Variants in ASTN1 observed in about 807,000 individuals in gnomAD.
The protein encoded by ASTN1 is astrotactin-1.
A neutral mutation model predicts 140.7 loss-of-function variants in ASTN1; 41 were observed. The ratio of observed to expected loss-of-function variants is 0.29; its 90% CI spans 0.23 to 0.38. ASTN1 has a LOEUF of 0.38. Among genes scored for constraint, ASTN1 ranks in the 10% least tolerant of loss-of-function variants. ASTN1 has a pLI of 1.00. For synonymous variants in ASTN1, 640 were observed against 652.2 expected (o/e 0.98, Z 0.29); for missense variants, 1,479 against 1,678.8 (o/e 0.88, Z 2.08).
chr1:176,899,235 G>A (rs1669657703), intron 16 of ASTN1, among the ~76,000 whole-genome samples: 1 of 152,216 alleles, frequency 6.6e-6, no homozygotes, highest in Admixed American at 6.5e-5. Flanking sequence ...TGTGGTATGA[G>A]AATATCGCGT....
At chr1:176,962,151 C>G (rs894462854) in intron 9 of ASTN1, among the ~76,000 whole-genome samples, 2 of 152,212 alleles carry the variant, frequency 1.3e-5, no homozygotes, top group African/African-American at 4.8e-5. Context: ...GAGGGAAGGT[C>G]TCTGTGGGAT....
intron 8 of ASTN1, among the ~76,000 whole-genome samples, chr1:176,986,980 C>A (rs536708309): frequency 6.6e-6 from 1 of 152,050 alleles, no homozygotes; most frequent in Non-Finnish European, 1.5e-5. Context: ...TGGGGGCAAG[C>A]GTGGATTTTG....
In ASTN1 at chr1:176,862,687, C is replaced by T. The variant is rs1316605286; in HGVS notation, c.*1597G>A. 4 of 904,490 alleles carry T rather than the reference C, an allele frequency of 4.4e-6. No individual in the cohort carries two copies. The African/African-American group carries it at 7.2e-5, about 16-fold the overall frequency. 56.0% of individuals were successfully genotyped at this position (904,490 alleles called of 1,614,324 possible). A position where few individuals can be genotyped will look rare whatever the true frequency, so the allele number is the denominator to read the frequency against. ...AGGCAAGTTGTATAACCTCTCTTTG[C>T]CTCGTTTTCCTCAACACTAAAATGG... On this transcript the variant is annotated 3_prime_UTR_variant, in exon 23 of 23. Transcript: ENST00000361833.
At chr1:177,159,884 T>C (rs1341439931) in intron 1 of ASTN1, among the ~76,000 whole-genome samples, 2 of 152,234 alleles carry the variant, frequency 1.3e-5, no homozygotes, top group African/African-American at 4.8e-5. Flanking sequence ...TACCTGAACC[T>C]GAAAACTATA....
chr1:176,865,843 C>G (rs537911310), intron 22 of ASTN1, among the ~76,000 whole-genome samples: 7 of 152,346 alleles, frequency 4.6e-5, no homozygotes, highest in African/African-American at 1.4e-4. Flanking sequence ...ATGAAAGGTA[C>G]ATCTCACATG....
At chr1:177,065,635 C>T (rs1678316178) in intron 1 of ASTN1, among the ~76,000 whole-genome samples, 1 of 152,142 alleles carries the variant, frequency 6.6e-6, no homozygotes, top group South Asian at 2.1e-4. Context: ...AAGGATAACA[C>T]ATGTTTGCAG....
At chr1:176,899,027 T>A (rs1462689051) in intron 16 of ASTN1, among the ~76,000 whole-genome samples, 1 of 152,314 alleles carries the variant, frequency 6.6e-6, no homozygotes, top group Middle Eastern at 3.4e-3. Flanking sequence ...CACTCCACTG[T>A]TGTCAGGGAA....
At chr1:176,878,566 G>A (rs1035847247) in intron 20 of ASTN1, among the ~76,000 whole-genome samples, 1 of 151,914 alleles carries the variant, frequency 6.6e-6, no homozygotes, top group Non-Finnish European at 1.5e-5. Flanking sequence ...TTCTGGTACT[G>A]TTTCTAGAAT....
chr1:177,081,971 G>T (rs1041612172), intron 1 of ASTN1, among the ~76,000 whole-genome samples: 19 of 152,094 alleles, frequency 1.2e-4, no homozygotes, highest in African/African-American at 4.3e-4. Context: ...GAAGACATGT[G>T]GACAACCCCA....
chr1:176,876,252 T>A (rs1239960132), intron 21 of ASTN1, among the ~76,000 whole-genome samples: 1 of 152,164 alleles, frequency 6.6e-6, no homozygotes, highest in Admixed American at 6.5e-5. Context: ...ACTACATACG[T>A]CAGCACCTGG....
At chr1:177,003,219 G>A (rs1246444684) in intron 8 of ASTN1, among the ~76,000 whole-genome samples, 1 of 151,080 alleles carries the variant, frequency 6.6e-6, no homozygotes, top group Non-Finnish European at 1.5e-5. Flanking sequence ...TATCCTTACT[G>A]AAAATAGACG....
chr1:176,993,783 T>C (rs1048193212), intron 8 of ASTN1, among the ~76,000 whole-genome samples: 1 of 152,210 alleles, frequency 6.6e-6, no homozygotes, highest in African/African-American at 2.4e-5. Flanking sequence ...TCCCTCCTCA[T>C]TCATTTATTC....
intron 1 of ASTN1, among the ~76,000 whole-genome samples, chr1:177,115,139 A>G (rs1312367424): frequency 6.6e-6 from 1 of 152,070 alleles, no homozygotes. Context: ...CACCCATTTC[A>G]CCCACAAGGA....
intron 2 of ASTN1, among the ~76,000 whole-genome samples, chr1:177,037,331 C>T (rs1266308009): frequency 6.6e-6 from 1 of 152,182 alleles, no homozygotes; most frequent in East Asian, 1.9e-4. Flanking sequence ...ATATCTCACA[C>T]AGCTTATTGG....
chr1:176,959,333 G>A (rs1672554070), intron 9 of ASTN1, among the ~76,000 whole-genome samples: 2 of 152,116 alleles, frequency 1.3e-5, no homozygotes, highest in Non-Finnish European at 2.9e-5. Flanking sequence ...CCCACTTAAT[G>A]TGCAGGGAGG....
chr1:176,945,996 C>T lies in ASTN1; in HGVS notation c.2179G>A (p.Glu727Lys), dbSNP rs1386515526. ...TGGTTGTTGTAACCAAAGAACATCT[C>T]CCCAAAGAGGGTCTGGTTCATGGGA... ...ELPMNQTLFG[E>K]MFFGYNNHSK... The change falls in exon 13 of 23, where the codon GAG (glutamate) becomes AAG (lysine). Residue 727 changes from glutamate to lysine, a missense_variant. Glu to Lys is a moderately conservative substitution (Grantham distance 56). Coordinates refer to ENST00000361833, the MANE Select transcript of ASTN1 (RefSeq NM_004319.3). The T allele has an allele frequency of 5.6e-6, 9 of 1,614,114 alleles. No individual in the cohort carries two copies. Among genetic ancestry groups the T allele is most frequent in the Non-Finnish European group, 7.6e-6 (9 of 1,179,994 alleles).
intron 8 of ASTN1, among the ~76,000 whole-genome samples, chr1:177,013,777 T>C (rs758051426): frequency 2.6e-5 from 4 of 152,220 alleles, no homozygotes; most frequent in Non-Finnish European, 5.9e-5. Flanking sequence ...TTGATTGCTA[T>C]TATTAGTTCG....
intron 16 of ASTN1, among the ~76,000 whole-genome samples, chr1:176,910,979 A>T (rs549635092): frequency 2.0e-5 from 3 of 152,200 alleles, no homozygotes; most frequent in Non-Finnish European, 4.4e-5. Flanking sequence ...CTGTCCATGG[A>T]AAAATTGTCT....
intron 2 of ASTN1, among the ~76,000 whole-genome samples, chr1:177,040,687 T>C (rs1036267038): frequency 6.6e-6 from 1 of 152,230 alleles, no homozygotes; most frequent in African/African-American, 2.4e-5. Flanking sequence ...TTTTAATTAC[T>C]TTTTAATTTA....
Sources: allele counts gnomAD v4.1 joint callset (sites outside exome capture counted in the v4.1 genomes callset), GRCh38; gene constraint gnomAD v4.1.1; transcripts MANE v1.5; gene names NCBI Gene and HGNC (gene_info 2026-07-23, HGNC 2026-07-21).